Variants in TCN2 observed in about 807,000 individuals in gnomAD.
The protein encoded by TCN2 is transcobalamin 2, also known as transcobalamin-2.
A neutral mutation model predicts 48.6 loss-of-function variants in TCN2; 34 were observed. That is an observed-to-expected ratio of 0.70 (90% CI 0.53 to 0.93). The LOEUF is 0.93. Ranked by LOEUF, TCN2 falls within the 40% of genes least tolerant of loss-of-function variation. TCN2 has a pLI of 0.00. For missense variants in TCN2, 652 were observed against 526.1 expected, an observed-to-expected ratio of 1.24 and a Z score of -2.34; for synonymous variants, 283 against 212.5, an observed-to-expected ratio of 1.33 and a Z score of -2.89.
At chr22:30,619,285 G>T (rs945911664) in intron 7 of TCN2, among the ~76,000 whole-genome samples, 9 of 152,080 alleles carry the variant, frequency 5.9e-5, no homozygotes, top group African/African-American at 1.4e-4. Context: ...GCTTCATGTT[G>T]CCCAGACTGG....
chr22:30,610,056 C>T (rs1452560433), intron 1 of TCN2, among the ~76,000 whole-genome samples: 1 of 152,184 alleles, frequency 6.6e-6, no homozygotes, highest in African/African-American at 2.4e-5. Flanking sequence ...CTACTCTAAG[C>T]TACCCTGTGC....
intron 1 of TCN2, among the ~76,000 whole-genome samples, chr22:30,609,525 C>T (rs182758210): frequency 2.1e-4 from 32 of 151,882 alleles, no homozygotes; most frequent in East Asian, 5.8e-4. Flanking sequence ...AGTGAGAGCC[C>T]GGGGTGAGGT....
chr22:30,626,639 C>T lies in TCN2; in HGVS notation c.*118C>T, dbSNP rs1213942733. The T allele has an allele frequency of 9.5e-6, 11 of 1,152,288 alleles. No homozygotes were observed. In the South Asian group the frequency reaches 1.3e-4, roughly 13 times the overall value. The allele number at this position is 1,152,288 out of a possible 1,614,324, so 71.4% of individuals were successfully genotyped here. On this transcript the variant is annotated 3_prime_UTR_variant, in exon 9 of 9. Transcript: ENST00000215838. ...GCTGCCACCTCCTGTGCACTTTGAG[C>T]AATGCCCCCTGGGATCACCCCAGCC...
intron 6 of TCN2, among the ~76,000 whole-genome samples, chr22:30,616,664 G>C (rs775590511): frequency 6.6e-6 from 1 of 151,982 alleles, no homozygotes; most frequent in Non-Finnish European, 1.5e-5. Flanking sequence ...AGCCAGGCAT[G>C]GTGGTAGACA....
At chr22:30,607,505 T>G (rs2087470626) in intron 1 of TCN2, 110 bp downstream of exon 1, 1 of 1,151,438 alleles carries the variant, frequency 8.7e-7, no homozygotes, top group South Asian at 1.4e-5. Flanking sequence ...CATAGCAGTT[T>G]GGGCTTAGCT....
At position 30,614,420 on chromosome 22, in the gene TCN2, C is replaced by T. The variant is rs1450759048; in HGVS notation, c.499C>T (p.His167Tyr). 3 of 1,614,068 alleles carry T rather than the reference C, an allele frequency of 1.9e-6. No homozygotes were observed. In the African/African-American group the frequency reaches 4.0e-5, roughly 22 times the overall value. Residue 167 changes from histidine to tyrosine, a missense_variant, in exon 4 of 9, where the codon CAC (histidine) becomes TAC (tyrosine). His to Tyr is a moderately conservative substitution (Grantham distance 83). Transcript: ENST00000215838. Reference protein sequence around the residue: ...YGLGILALCLHQKRVHDSVVD... With the variant: ...YGLGILALCLYQKRVHDSVVD... The stretch of plus-strand genomic sequence containing the variant: ...CCTGGGCATTCTGGCCCTGTGTCTC[C>T]ACCAGAAGCGGGTCCATGACAGCGT...
At chr22:30,613,195 C>T (rs2087566603) in intron 3 of TCN2, among the ~76,000 whole-genome samples, 153 bp downstream of exon 3, 1 of 152,222 alleles carries the variant, frequency 6.6e-6, no homozygotes, top group Non-Finnish European at 1.5e-5. Context: ...AGGCTCGAAC[C>T]TGTCCCCATA....
At chr22:30,623,955 T>C (rs1400331286) in intron 8 of TCN2, among the ~76,000 whole-genome samples, 11 of 81,044 alleles carry the variant, frequency 1.4e-4, no homozygotes, top group East Asian at 5.9e-4. Context: ...CACATATGTA[T>C]ACATATATAC....
chr22:30,621,100 C>G (rs1377928256), intron 7 of TCN2, among the ~76,000 whole-genome samples: 3 of 152,090 alleles, frequency 2.0e-5, no homozygotes, highest in Non-Finnish European at 4.4e-5. Flanking sequence ...TCAAGCGATT[C>G]TCCTGCCTCA....
chr22:30,611,958 T>C (rs1458800956), intron 2 of TCN2, among the ~76,000 whole-genome samples: 1 of 151,472 alleles, frequency 6.6e-6, no homozygotes, highest in Non-Finnish European at 1.5e-5. Flanking sequence ...AAAAGAAGAC[T>C]AGGCATAGTG....
Position 30,617,325 on chromosome 22 carries a change from C to T in TCN2, c.941-5C>T. The T allele has an allele frequency of 6.2e-7, 1 of 1,614,174 alleles. No homozygotes were observed. Among genetic ancestry groups the T allele is most frequent in the Non-Finnish European group, 8.5e-7 (1 of 1,180,024 alleles). ...CAGCTGCCCGCCCCTTTCTTCCTGG[C>T]ACAGTCATGTTGGAACCAGCTGCTG... On this transcript the variant is annotated splice_region_variant and splice_polypyrimidine_tract_variant and intron_variant, in intron 6 of 8. Coordinates refer to ENST00000215838, the MANE Select transcript of TCN2 (RefSeq NM_000355.4).
At chr22:30,617,716 C>T in intron 7 of TCN2, 1 of 606,408 alleles carries the variant, frequency 1.6e-6, no homozygotes. Flanking sequence ...AGGCAGAGCC[C>T]CCCAGTTGGA....
intron 1 of TCN2, among the ~76,000 whole-genome samples, chr22:30,608,699 A>G (rs957999307): frequency 6.6e-6 from 1 of 151,958 alleles, no homozygotes; most frequent in Non-Finnish European, 1.5e-5. Context: ...CAGAACTCCA[A>G]GCCTCTCATC....
chr22:30,623,467 C>T (rs1007643168), intron 8 of TCN2, among the ~76,000 whole-genome samples: 3 of 151,860 alleles, frequency 2.0e-5, no homozygotes, highest in Non-Finnish European at 4.4e-5. Flanking sequence ...ATTCTTCCAC[C>T]TCAGCCTTCC....
intron 7 of TCN2, among the ~76,000 whole-genome samples, chr22:30,619,244 T>C (rs2087661667): frequency 6.6e-6 from 1 of 152,150 alleles, no homozygotes. Context: ...TTGGCAAATA[T>C]TTTTTTAAAA....
chr22:30,624,928 G>T (rs898225864), intron 8 of TCN2, among the ~76,000 whole-genome samples: 2 of 152,180 alleles, frequency 1.3e-5, no homozygotes, highest in Non-Finnish European at 2.9e-5. Flanking sequence ...ATAAACAGCA[G>T]AAATGAGGCC....
chr22:30,611,317 A>G (rs1450940059), intron 2 of TCN2, among the ~76,000 whole-genome samples: 1 of 151,936 alleles, frequency 6.6e-6, no homozygotes, highest in African/African-American at 2.4e-5. Flanking sequence ...CCGTGACTAT[A>G]CTCTTTGATG....
chr22:30,623,959 T>TATATACACACACATATATGTATAC (rs2087758167), intron 8 of TCN2, among the ~76,000 whole-genome samples: 1 of 95,108 alleles, frequency 1.1e-5, no homozygotes, highest in Non-Finnish European at 1.9e-5. Context: ...TATGTATACA[T>TATATACACACACATATATGTATAC]ATATACACAC....
At chr22:30,608,602 C>T (rs1220631463) in intron 1 of TCN2, among the ~76,000 whole-genome samples, 3 of 151,362 alleles carry the variant, frequency 2.0e-5, no homozygotes, top group Non-Finnish European at 4.4e-5. Flanking sequence ...GTTGCCCAGG[C>T]TGGTCTCGAA....
Sources: allele counts gnomAD v4.1 joint callset (sites outside exome capture counted in the v4.1 genomes callset), GRCh38; gene constraint gnomAD v4.1.1; transcripts MANE v1.5; gene names NCBI Gene and HGNC (gene_info 2026-07-23, HGNC 2026-07-21).